The following AGBL1 variants were observed in gnomAD, a reference collection of about 807,000 sequenced individuals.
The protein encoded by AGBL1 is AGBL carboxypeptidase 1.
A neutral mutation model predicts 118.9 loss-of-function variants in AGBL1; 130 were observed. That is an observed-to-expected ratio of 1.09 (90% confidence interval 0.95 to 1.26). AGBL1 has a LOEUF of 1.26. Among genes scored for constraint, AGBL1 ranks in the 50% most tolerant of loss-of-function variants. The pLI is 0.00. For synonymous variants in AGBL1, 555 were observed against 478.9 expected (o/e 1.16, Z -2.08); for missense variants, 1,584 against 1,298.1 (o/e 1.22, Z -3.38).
intron 18 of AGBL1, among the ~76,000 whole-genome samples, chr15:86,440,950 T>A (rs1201954607): frequency 6.6e-6 from 1 of 152,174 alleles, no homozygotes; most frequent in African/African-American, 2.4e-5. Context: ...TCAAACACAG[T>A]GTCAGGAGTG....
chr15:86,849,269 T>C (rs887956538), intron 22 of AGBL1, among the ~76,000 whole-genome samples: 2 of 152,180 alleles, frequency 1.3e-5, no homozygotes, highest in Non-Finnish European at 2.9e-5. Flanking sequence ...CCTCAGCAAA[T>C]TGCAAGTCCC....
In AGBL1 at chr15:86,964,008, A is replaced by ACTCTCTCTCTCTCTCTCTCT. The variant is rs71460234; in HGVS notation, c.3222-23974_3222-23955dup. Among the ~76,000 whole-genome samples, 113 of 139,538 alleles carry ACTCTCTCTCTCTCTCTCTCT rather than the reference A, an allele frequency of 8.1e-4. 1 individual carries two copies. Among genetic ancestry groups the ACTCTCTCTCTCTCTCTCTCT allele is most frequent in the African/African-American group, 2.6e-3 (98 of 37,652 alleles). The allele number at this position is 139,538 out of a possible 152,430, so 91.5% of individuals were successfully genotyped here. ...ACTAATGGAAGATCTGAGCCAGGAA[A>ACTCTCTCTCTCTCTCTCTCT]CTCTCTCTCTCTCTCTCTCTCTCTG... On this transcript the variant is annotated intron_variant, in intron 23 of 24. Transcript: ENST00000441037.
rs201636066 is a variant in AGBL1 at position 86,574,032 on chromosome 15, C to CAAAT, written c.2994+19499_2994+19502dup. Among the ~76,000 whole-genome samples the CAAAT allele has an allele frequency of 2.7e-3, 413 of 151,402 alleles. 4 individuals are homozygous for CAAAT. The highest frequency in any genetic ancestry group is 9.5e-3 in the African/African-American group (388 of 40,970). On this transcript the variant is annotated intron_variant, in intron 21 of 22. Transcript: ENST00000614907. ...AGCCAGAAAACTACCAGCGACCAAA[C>CAAAT]AAATAAACAAACAAACAAAAAAAAA...
intron 5 of AGBL1, among the ~76,000 whole-genome samples, chr15:86,214,789 G>A (rs2078157560): frequency 6.6e-6 from 1 of 152,204 alleles, no homozygotes; most frequent in Admixed American, 6.5e-5. Context: ...GCAGAATGGG[G>A]CCCTCCCAGC....
rs1187565463 is a variant in AGBL1, at chr15:86,888,914, G to A, written c.3159-18173G>A. ...TGGCATGCTACATTCATTGGCTGGA[G>A]CAATAGATGGCGTTAATTTCTGGGA... On this transcript the variant is annotated intron_variant, in intron 22 of 22. Coordinates refer to ENST00000614907, the MANE Select transcript of AGBL1 (RefSeq NM_001386094.1). Among the ~76,000 whole-genome samples the A allele has an allele frequency of 4.6e-5, 7 of 152,224 alleles. No homozygotes were observed. The Middle Eastern group carries it at 0.01, about 222-fold the overall frequency.
At chr15:86,759,327 A>C (rs937224570) in intron 22 of AGBL1, among the ~76,000 whole-genome samples, 9 of 152,110 alleles carry the variant, frequency 5.9e-5, no homozygotes, top group African/African-American at 1.9e-4. Context: ...AATTCTGCTT[A>C]ATAGGCATGT....
chr15:86,264,824 A>T lies in AGBL1; in HGVS notation c.1653A>T (p.Lys551Asn). 6.2e-7 allele frequency: 1 copy of T among 1,607,194 alleles called. No individual in the cohort carries two copies. Among genetic ancestry groups the T allele is most frequent in the South Asian group, 1.1e-5 (1 of 89,734 alleles). ...CCACCCAGCCTATGTTGGAACGAAA[A>T]TGTGGAGTCCAAAGGTGATGGCGCT... The part of the protein sequence containing the change: ...PPTTQPMLER[K>N]CGVQRIRIFE... Residue 551 changes from lysine (K) to asparagine (N), a missense_variant, in exon 11 of 23, where the codon AAA becomes AAT. Transcript: ENST00000614907.
intron 5 of AGBL1, among the ~76,000 whole-genome samples, chr15:86,161,898 T>A (rs1187680173): frequency 1.3e-5 from 2 of 152,256 alleles, no homozygotes; most frequent in African/African-American, 4.8e-5. Context: ...AAAGCATGAA[T>A]GTCAAGTCTT....
At chr15:86,901,093 A>G (rs1490426960) in intron 22 of AGBL1, among the ~76,000 whole-genome samples, 2 of 152,116 alleles carry the variant, frequency 1.3e-5, no homozygotes, top group Non-Finnish European at 2.9e-5. Flanking sequence ...GTTTGAGTCC[A>G]GGTTATAAGA....
chr15:86,467,479 A>C (rs1157215234), intron 18 of AGBL1, among the ~76,000 whole-genome samples: 1 of 152,138 alleles, frequency 6.6e-6, no homozygotes, highest in Non-Finnish European at 1.5e-5. Flanking sequence ...AGGGCAGTGA[A>C]AGGTTCTCTC....
intron 22 of AGBL1, among the ~76,000 whole-genome samples, chr15:86,835,280 CTTAA>C (rs144138111): frequency 0.037 from 5,564 of 151,890 alleles, 270 homozygotes; most frequent in African/African-American, 0.11. Context: ...AAATCTAGAT[CTTAA>C]TTAATGTATT....
intron 24 of AGBL1, among the ~76,000 whole-genome samples, chr15:86,994,011 C>G (rs2081355784): frequency 6.6e-6 from 1 of 152,092 alleles, no homozygotes; most frequent in Non-Finnish European, 1.5e-5. Flanking sequence ...CATTCGACGT[C>G]ACAACGCTTC....
In AGBL1 at chr15:86,517,617, G is replaced by GTGCCACGAACACC. The variant is rs2083137294; in HGVS notation, c.2556-5191_2556-5190insCCACGAACACCTG. Among the ~76,000 whole-genome samples the GTGCCACGAACACC allele has an allele frequency of 7.2e-5, 11 of 152,300 alleles. 1 individual carries two copies. In the South Asian group the frequency reaches 2.3e-3, roughly 32 times the overall value. On this transcript the variant is annotated intron_variant, in intron 18 of 22. Transcript: ENST00000614907. ...GTAACCCATTTCTGGGTTCCTGGAG[G>GTGCCACGAACACC]TGTGTAGGAACACCTGTGTTAGATC... is the stretch of plus-strand genomic sequence containing the variant.
chr15:86,275,225 C>T (rs1010146556), intron 15 of AGBL1, among the ~76,000 whole-genome samples: 12 of 152,292 alleles, frequency 7.9e-5, no homozygotes, highest in East Asian at 3.9e-4. Flanking sequence ...TAATACACAA[C>T]GGCTGATCTC....
At chr15:86,134,799 G>C (rs963922720) in intron 1 of AGBL1, among the ~76,000 whole-genome samples, 8 of 151,580 alleles carry the variant, frequency 5.3e-5, no homozygotes, top group Non-Finnish European at 1.0e-4. Flanking sequence ...ATTTTTAGGA[G>C]AGATGGGGTT....
intron 18 of AGBL1, among the ~76,000 whole-genome samples, chr15:86,417,570 T>C (rs1368740874): frequency 6.6e-6 from 1 of 152,190 alleles, no homozygotes; most frequent in Non-Finnish European, 1.5e-5. Flanking sequence ...TATCATACAG[T>C]GTTAGACATC....
At chr15:86,995,436 G>A (rs892905009) in intron 24 of AGBL1, among the ~76,000 whole-genome samples, 2 of 152,060 alleles carry the variant, frequency 1.3e-5, no homozygotes, top group East Asian at 1.9e-4. Flanking sequence ...GTACATAGAA[G>A]TTAACCAACC....
At position 86,908,530 on chromosome 15, in the gene AGBL1, G is replaced by A. The variant is rs111861340; in HGVS notation, c.*1236G>A. ...CTCAAACAACAACAACAACAACGAC[G>A]ACAAACCCAGAATCCAGAATTCTCT... On this transcript the variant is annotated 3_prime_UTR_variant, in exon 23 of 23. Transcript: ENST00000614907. 0.023 allele frequency: 3,438 copies of A among 152,218 alleles called. 74 individuals are homozygous for A. Among genetic ancestry groups the A allele is most frequent in the Admixed American group, 0.063 (959 of 15,274 alleles). 9.4% of individuals were successfully genotyped at this position (152,218 alleles called of 1,614,324 possible).
chr15:86,552,384 G>A (rs1326121635), intron 20 of AGBL1, among the ~76,000 whole-genome samples: 1 of 152,136 alleles, frequency 6.6e-6, no homozygotes, highest in Non-Finnish European at 1.5e-5. Context: ...AGTAAAAAAG[G>A]AAAAGTCACT....
Sources: allele counts gnomAD v4.1 joint callset (sites outside exome capture counted in the v4.1 genomes callset), GRCh38; gene constraint gnomAD v4.1.1; transcripts MANE v1.5; gene names NCBI Gene and HGNC (gene_info 2026-07-23, HGNC 2026-07-21).